PLEKHM3: variants seen among roughly 807,000 people sequenced by gnomAD.
The protein encoded by PLEKHM3 is pleckstrin homology domain containing M3.
PLEKHM3 carries 45 observed loss-of-function variants against 81.8 expected under a neutral mutation model. That is an observed-to-expected ratio of 0.55 (90% CI 0.43 to 0.71). The LOEUF is 0.71. Ranked by LOEUF, PLEKHM3 falls within the 30% of genes least tolerant of loss-of-function variation. The probability of loss-of-function intolerance (pLI) is 0.00; values close to 1 mark genes in which losing one functional copy is unlikely to be tolerated. For missense variants in PLEKHM3, 788 were observed against 924.3 expected, an observed-to-expected ratio of 0.85 and a Z score of 1.91; for synonymous variants, 352 against 356.4, an observed-to-expected ratio of 0.99 and a Z score of 0.14.
chr2:207,962,370 C>T (rs1231641385), intron 3 of PLEKHM3, among the ~76,000 whole-genome samples: 1 of 152,208 alleles, frequency 6.6e-6, no homozygotes, highest in African/African-American at 2.4e-5. Flanking sequence ...GGTGATGCAG[C>T]CTGATTCCAC....
At chr2:207,927,573 T>C (rs1689442779) in intron 5 of PLEKHM3, among the ~76,000 whole-genome samples, 2 of 145,510 alleles carry the variant, frequency 1.4e-5, no homozygotes, top group Non-Finnish European at 3.0e-5. Context: ...CTCACACCTA[T>C]AATCCCAGCA....
intron 6 of PLEKHM3, among the ~76,000 whole-genome samples, chr2:207,879,254 A>G (rs920407181): frequency 6.6e-6 from 1 of 152,060 alleles, no homozygotes; most frequent in African/African-American, 2.4e-5. Context: ...TCTGATTTTA[A>G]TGCTAGATTC....
intron 4 of PLEKHM3, among the ~76,000 whole-genome samples, chr2:207,935,611 C>A (rs1689725059): frequency 6.6e-6 from 1 of 152,134 alleles, no homozygotes; most frequent in Admixed American, 6.5e-5. Flanking sequence ...TAATCCACTG[C>A]CTGTATTTAA....
At chr2:207,992,772 C>G (rs1691940546) in intron 2 of PLEKHM3, among the ~76,000 whole-genome samples, 1 of 151,904 alleles carries the variant, frequency 6.6e-6, no homozygotes, top group South Asian at 2.1e-4. Context: ...GGAAAGGTCC[C>G]AGGGAGGATG....
rs561211855 is a variant in PLEKHM3, at chr2:207,888,428, G to A, written c.1950+20086C>T. Among the ~76,000 whole-genome samples the A allele has an allele frequency of 1.4e-4, 21 of 151,470 alleles. No homozygotes were observed. In the South Asian group the frequency reaches 2.1e-3, roughly 15 times the overall value. The stretch of plus-strand genomic sequence containing the variant: ...CTTTTTTTCTTTGAGACAGAATCTC[G>A]CTTTGTCACCCAGGCTGGAGTGCAG... On this transcript the variant is annotated intron_variant, in intron 6 of 7. Coordinates refer to ENST00000427836, the MANE Select transcript of PLEKHM3 (RefSeq NM_001080475.3).
chr2:207,950,418 T>G (rs1404855533), intron 3 of PLEKHM3, among the ~76,000 whole-genome samples: 1 of 152,232 alleles, frequency 6.6e-6, no homozygotes, highest in Non-Finnish European at 1.5e-5. Flanking sequence ...CGTGTTAGCT[T>G]TAATTGGTGA....
chr2:207,891,711 T>C (rs1231715291), intron 6 of PLEKHM3, among the ~76,000 whole-genome samples: 2 of 152,220 alleles, frequency 1.3e-5, no homozygotes, highest in African/African-American at 2.4e-5. Flanking sequence ...AATGAACAGA[T>C]AGCCCCCTTT....
chr2:207,964,307 GA>G (rs1316264817), intron 3 of PLEKHM3, among the ~76,000 whole-genome samples: 2 of 152,212 alleles, frequency 1.3e-5, no homozygotes, highest in East Asian at 3.9e-4. Context: ...AAATCCCAGA[GA>G]TTCTGATTTC....
chr2:207,983,481 G>A (rs1434598363), intron 2 of PLEKHM3, among the ~76,000 whole-genome samples: 5 of 151,852 alleles, frequency 3.3e-5, no homozygotes, highest in Non-Finnish European at 5.9e-5. Flanking sequence ...ATAGGATCAC[G>A]GACAGAGTAT....
chr2:208,005,767 G>A (rs1240319967), intron 1 of PLEKHM3, among the ~76,000 whole-genome samples: 1 of 152,034 alleles, frequency 6.6e-6, no homozygotes, highest in East Asian at 1.9e-4. Flanking sequence ...TGTTCATTGT[G>A]TTCACTAATG....
chr2:207,979,493 C>T (rs1452713305), intron 2 of PLEKHM3, among the ~76,000 whole-genome samples: 1 of 150,776 alleles, frequency 6.6e-6, no homozygotes, highest in Non-Finnish European at 1.5e-5. Context: ...GAGATCATGC[C>T]ATTGCACTCC....
chr2:208,003,133 G>C (rs1017212554), intron 1 of PLEKHM3, among the ~76,000 whole-genome samples: 4 of 152,180 alleles, frequency 2.6e-5, no homozygotes, highest in African/African-American at 9.7e-5. Context: ...TTGTGATAGT[G>C]AATAAGCCTC....
At chr2:207,936,402 G>A (rs144893426) in intron 4 of PLEKHM3, among the ~76,000 whole-genome samples, 1 of 152,326 alleles carries the variant, frequency 6.6e-6, no homozygotes, top group African/African-American at 2.4e-5. Context: ...TTGAACAAAT[G>A]AATGAATAAT....
At chr2:207,967,448 T>C (rs1378490358) in intron 3 of PLEKHM3, among the ~76,000 whole-genome samples, 2 of 152,246 alleles carry the variant, frequency 1.3e-5, no homozygotes, top group Non-Finnish European at 2.9e-5. Context: ...TATTTCTCCC[T>C]ACTAAATCTC....
intron 2 of PLEKHM3, among the ~76,000 whole-genome samples, chr2:207,981,571 T>C (rs527247040): frequency 6.6e-6 from 1 of 152,288 alleles, no homozygotes; most frequent in East Asian, 1.9e-4. Context: ...GGTCTTGAAC[T>C]CCTGGCTTCA....
intron 6 of PLEKHM3, among the ~76,000 whole-genome samples, chr2:207,869,581 T>C (rs916076903): frequency 6.6e-6 from 1 of 152,224 alleles, no homozygotes; most frequent in Non-Finnish European, 1.5e-5. Context: ...ATTCAAAGAA[T>C]ACACATTTTC....
chr2:207,845,582 C>G (rs1412513467), intron 7 of PLEKHM3, among the ~76,000 whole-genome samples: 1 of 152,322 alleles, frequency 6.6e-6, no homozygotes, highest in East Asian at 1.9e-4. Context: ...TAAAACACAT[C>G]CATCTCCAAC....
chr2:207,834,943 G>GT (rs1206255117), intron 7 of PLEKHM3, among the ~76,000 whole-genome samples: 3,527 of 140,006 alleles, frequency 0.025, 98 homozygotes, highest in African/African-American at 0.073. Flanking sequence ...TCAACAACTT[G>GT]TTTTTTTTTT....
At chr2:207,918,520 T>C (rs1689072363) in intron 5 of PLEKHM3, among the ~76,000 whole-genome samples, 1 of 150,170 alleles carries the variant, frequency 6.7e-6, no homozygotes, top group African/African-American at 2.5e-5. Flanking sequence ...AGACTCTGTC[T>C]CAACAAACAA....
Sources: gnomAD v4.1 joint callset for allele counts (sites outside exome capture counted in the v4.1 genomes callset) on GRCh38, gnomAD v4.1.1 for gene constraint, MANE v1.5 for transcripts, NCBI Gene and HGNC (gene_info 2026-07-23, HGNC 2026-07-21) for gene names.